The following ACAP2 variants were observed in gnomAD, a reference collection of about 807,000 sequenced individuals.
ACAP2 encodes the protein ArfGAP with coiled-coil, ankyrin repeat and PH domains 2.
A neutral mutation model predicts 115.8 loss-of-function variants in ACAP2; 39 were observed. The observed-to-expected ratio is 0.34, with a 90% CI of 0.26 to 0.44. The LOEUF (loss-of-function observed/expected upper bound fraction) is 0.44, where lower values mean the gene tolerates loss of function less well. Ranked by LOEUF, ACAP2 falls within the 20% of genes least tolerant of loss-of-function variation. ACAP2 has a pLI of 1.00. For missense variants in ACAP2, 662 were observed against 927.6 expected, an observed-to-expected ratio of 0.71 and a Z score of 3.72; for synonymous variants, 289 against 315.8, an observed-to-expected ratio of 0.92 and a Z score of 0.90.
At chr3:195,326,184 C>T (rs1729781653) in intron 9 of ACAP2, 1 of 152,170 alleles carries the variant, frequency 6.6e-6, no homozygotes, top group Non-Finnish European at 1.5e-5. Flanking sequence ...AGAAGGCATC[C>T]TGTGCGTACT....
chr3:195,310,514 T>C (rs1462705135), intron 10 of ACAP2, among the ~76,000 whole-genome samples: 1 of 152,248 alleles, frequency 6.6e-6, no homozygotes, highest in African/African-American at 2.4e-5. Context: ...TCATTTGAAG[T>C]AGGGTGAACT....
At chr3:195,387,452 TATA>T (rs1413218783) in intron 2 of ACAP2, among the ~76,000 whole-genome samples, 2 of 152,222 alleles carry the variant, frequency 1.3e-5, no homozygotes, top group Non-Finnish European at 2.9e-5. Flanking sequence ...GCAATATTGC[TATA>T]ATAATAAGAA....
chr3:195,367,512 A>G (rs1176387310), intron 4 of ACAP2, among the ~76,000 whole-genome samples: 1 of 152,130 alleles, frequency 6.6e-6, no homozygotes, highest in African/African-American at 2.4e-5. Context: ...TATATATATG[A>G]CCACCATCAA....
At chr3:195,409,954 C>A (rs1713123820) in intron 1 of ACAP2, among the ~76,000 whole-genome samples, 1 of 135,030 alleles carries the variant, frequency 7.4e-6, no homozygotes, top group Non-Finnish European at 1.6e-5. Flanking sequence ...TCTCAAGGGA[C>A]AATGGATAGC....
At chr3:195,421,445 A>G (rs1714183658) in intron 1 of ACAP2, among the ~76,000 whole-genome samples, 1 of 152,224 alleles carries the variant, frequency 6.6e-6, no homozygotes, top group Non-Finnish European at 1.5e-5. Flanking sequence ...CCTTCATAAC[A>G]GTGTCTTACT....
At chr3:195,358,752 G>C (rs1033912440) in intron 4 of ACAP2, among the ~76,000 whole-genome samples, 1 of 151,912 alleles carries the variant, frequency 6.6e-6, no homozygotes, top group Non-Finnish European at 1.5e-5. Context: ...CTAAGAGTAA[G>C]GTAGAAAGAG....
At chr3:195,292,573 A>G in intron 18 of ACAP2, 121 bp from the exon 19 acceptor site, 1 of 893,600 alleles carries the variant, frequency 1.1e-6, no homozygotes, top group Non-Finnish European at 1.7e-6. Flanking sequence ...GAATGGCAGT[A>G]AAGATAGCAC....
intron 1 of ACAP2, among the ~76,000 whole-genome samples, chr3:195,397,205 G>A (rs1181445295): frequency 6.6e-6 from 1 of 152,092 alleles, no homozygotes; most frequent in African/African-American, 2.4e-5. Context: ...CTCAGGAGAG[G>A]TGCCTATATG....
chr3:195,315,119 G>A (rs1181113839), intron 10 of ACAP2, among the ~76,000 whole-genome samples: 1 of 152,156 alleles, frequency 6.6e-6, no homozygotes, highest in Non-Finnish European at 1.5e-5. Context: ...GGTCTCAAGC[G>A]GTCTTCCCGC....
At chr3:195,348,628 A>G (rs542242382) in intron 4 of ACAP2, among the ~76,000 whole-genome samples, 4 of 152,230 alleles carry the variant, frequency 2.6e-5, no homozygotes, top group African/African-American at 4.8e-5. Context: ...AAAATACATC[A>G]TGACCGACTG....
At chr3:195,440,008 A>G (rs1204908966) in intron 1 of ACAP2, among the ~76,000 whole-genome samples, 6 of 152,200 alleles carry the variant, frequency 3.9e-5, no homozygotes, top group African/African-American at 1.4e-4. Flanking sequence ...ATGCAACTAC[A>G]TACAATTAAG....
chr3:195,439,304 C>T (rs1260444622), intron 1 of ACAP2, among the ~76,000 whole-genome samples: 1 of 150,688 alleles, frequency 6.6e-6, no homozygotes, highest in Non-Finnish European at 1.5e-5. Flanking sequence ...CTCAGCTTCC[C>T]ATGTAGCTGG....
rs143018690 is a variant in ACAP2, at chr3:195,291,722, C to T, written c.2047G>A (p.Val683Ile). 3.3e-4 allele frequency: 537 copies of T among 1,613,674 alleles called. No individual in the cohort carries two copies. The highest frequency in any genetic ancestry group is 4.3e-4 in the Non-Finnish European group (513 of 1,179,822). Residue 683 changes from valine (V) to isoleucine (I), a missense_variant, in exon 20 of 23, where the codon GTC becomes ATC. By Grantham distance (29) the Val-to-Ile change is conservative. Around this residue, in one of 3 missense-constraint regions of ACAP2, gnomAD observed 128 missense variants for 200.2 expected, o/e 0.64. Transcript: ENST00000326793. ...TGCAGTTACCCTGTGTGCCCTAAGA[C>T]GGTGGCATGGTGCAATGGTCCCCGC... ...QGRGPLHHAT[V>I]LGHTGQVCLF...
chr3:195,364,831 G>A (rs115448516), intron 4 of ACAP2, among the ~76,000 whole-genome samples: 1,951 of 152,206 alleles, frequency 0.013, 32 homozygotes, highest in African/African-American at 0.043. Context: ...GCATTCTCAC[G>A]TTTACTGTAG....
chr3:195,380,349 C>T (rs1448872679), intron 4 of ACAP2, among the ~76,000 whole-genome samples: 1 of 152,126 alleles, frequency 6.6e-6, no homozygotes, highest in African/African-American at 2.4e-5. Context: ...ATTTTTATTA[C>T]AGACTGGCTA....
At chr3:195,291,144 A>G (rs1727227439) in intron 20 of ACAP2, among the ~76,000 whole-genome samples, 1 of 152,216 alleles carries the variant, frequency 6.6e-6, no homozygotes, top group African/African-American at 2.4e-5. Context: ...TTTTCACATA[A>G]AGCCAGCATT....
chr3:195,429,851 G>A (rs193006073), intron 1 of ACAP2, among the ~76,000 whole-genome samples: 2 of 152,248 alleles, frequency 1.3e-5, no homozygotes, highest in African/African-American at 4.8e-5. Context: ...TTAGATCTAT[G>A]ATCCATTTTG....
chr3:195,335,383 T>C (rs913941311), intron 7 of ACAP2, among the ~76,000 whole-genome samples: 2 of 152,120 alleles, frequency 1.3e-5, no homozygotes, highest in Non-Finnish European at 2.9e-5. Flanking sequence ...TGCAGTGTAT[T>C]AGTGAAAAAA....
At chr3:195,290,656 C>CA (rs1325456148) in intron 20 of ACAP2, among the ~76,000 whole-genome samples, 1 of 151,384 alleles carries the variant, frequency 6.6e-6, no homozygotes, top group Non-Finnish European at 1.5e-5. Flanking sequence ...ACTAAAAATA[C>CA]AAAAAAATTA....
Sources: allele counts gnomAD v4.1 joint callset (sites outside exome capture counted in the v4.1 genomes callset), GRCh38; gene constraint gnomAD v4.1.1; regional missense constraint gnomAD v4.1.1; transcripts MANE v1.5; gene names NCBI Gene and HGNC (gene_info 2026-07-23, HGNC 2026-07-21).